The following CTNNA3 variants were observed in gnomAD, a reference collection of about 807,000 sequenced individuals.
CTNNA3 encodes the protein catenin alpha-3.
In CTNNA3, 76 loss-of-function variants were observed where a neutral mutation model predicts 95.7. That is an observed-to-expected ratio of 0.79 (90% CI 0.66 to 0.96). The LOEUF is 0.96. Among genes scored for constraint, CTNNA3 ranks in the 40% least tolerant of loss-of-function variants. CTNNA3 has a pLI of 0.00. For missense variants in CTNNA3, 1,191 were observed against 1,089.8 expected (o/e 1.09, Z -1.31); for synonymous variants, 431 against 374.4 (o/e 1.15, Z -1.74).
intron 5 of CTNNA3, among the ~76,000 whole-genome samples, chr10:67,509,295 A>G (rs918557863): frequency 6.6e-6 from 1 of 151,218 alleles, no homozygotes; most frequent in Non-Finnish European, 1.5e-5. Flanking sequence ...GCACCCATCA[A>G]CTCGTTATTT....
At chr10:66,792,293 T>G (rs1167843319) in intron 7 of CTNNA3, among the ~76,000 whole-genome samples, 1 of 152,222 alleles carries the variant, frequency 6.6e-6, no homozygotes, top group Non-Finnish European at 1.5e-5. Flanking sequence ...TTCCTCGTAT[T>G]TCATTATTTT....
chr10:67,514,184 C>G (rs1839734607), intron 5 of CTNNA3, among the ~76,000 whole-genome samples: 1 of 152,080 alleles, frequency 6.6e-6, no homozygotes, highest in African/African-American at 2.4e-5. Context: ...CCTGTAATTC[C>G]AGCTACCTGG....
intron 3 of CTNNA3, among the ~76,000 whole-genome samples, chr10:67,558,945 G>C (rs967929093): frequency 6.6e-6 from 1 of 152,162 alleles, no homozygotes; most frequent in Non-Finnish European, 1.5e-5. Context: ...AGGGGTGCCC[G>C]CCATTGCCCA....
intron 5 of CTNNA3, among the ~76,000 whole-genome samples, chr10:67,486,078 T>C (rs1202040397): frequency 6.6e-6 from 1 of 152,198 alleles, no homozygotes; most frequent in Non-Finnish European, 1.5e-5. Context: ...GACATAGATG[T>C]TACAACTTAA....
At chr10:66,640,821 A>G (rs1239881512) in intron 9 of CTNNA3, among the ~76,000 whole-genome samples, 1 of 152,110 alleles carries the variant, frequency 6.6e-6, no homozygotes, top group Non-Finnish European at 1.5e-5. Context: ...ACTGGGATGC[A>G]GACAAAATAC....
At chr10:66,767,066 A>G (rs912623875) in intron 8 of CTNNA3, among the ~76,000 whole-genome samples, 3 of 152,180 alleles carry the variant, frequency 2.0e-5, no homozygotes, top group Non-Finnish European at 4.4e-5. Flanking sequence ...CAATTAGGCA[A>G]TTACTCTAGT....
At chr10:66,892,501 G>GT (rs772937737) in intron 7 of CTNNA3, among the ~76,000 whole-genome samples, 8 of 151,578 alleles carry the variant, frequency 5.3e-5, no homozygotes, top group Non-Finnish European at 1.0e-4. Context: ...TGCATTTATA[G>GT]TAAGTCTGGA....
At chr10:66,799,882 C>A (rs914863764) in intron 7 of CTNNA3, among the ~76,000 whole-genome samples, 1 of 151,020 alleles carries the variant, frequency 6.6e-6, no homozygotes, top group Non-Finnish European at 1.5e-5. Flanking sequence ...AAGACAATTA[C>A]CTTTATGGAA....
intron 7 of CTNNA3, among the ~76,000 whole-genome samples, chr10:67,029,275 T>A (rs1853577611): frequency 6.6e-6 from 1 of 152,232 alleles, no homozygotes; most frequent in South Asian, 2.1e-4. Flanking sequence ...ATAAGAAGTT[T>A]CAACTAAACA....
chr10:67,622,994 C>T (rs921282350), intron 2 of CTNNA3, among the ~76,000 whole-genome samples: 1 of 152,130 alleles, frequency 6.6e-6, no homozygotes, highest in African/African-American at 2.4e-5. Flanking sequence ...AGTCAAAACT[C>T]CAATATTTGC....
intron 10 of CTNNA3, among the ~76,000 whole-genome samples, chr10:66,557,591 G>A (rs1842428905): frequency 6.6e-6 from 1 of 152,026 alleles, no homozygotes; most frequent in African/African-American, 2.4e-5. Flanking sequence ...TAGGATTTTT[G>A]TTTCTCTCAA....
intron 7 of CTNNA3, among the ~76,000 whole-genome samples, chr10:66,992,894 A>G (rs545318874): frequency 6.6e-6 from 1 of 152,148 alleles, no homozygotes; most frequent in Admixed American, 6.6e-5. Flanking sequence ...ATCCTCTTCA[A>G]TTTGACCATT....
intron 10 of CTNNA3, among the ~76,000 whole-genome samples, chr10:66,530,092 A>C (rs1841414599): frequency 6.6e-6 from 1 of 152,178 alleles, no homozygotes; most frequent in South Asian, 2.1e-4. Context: ...ACGTAATTTA[A>C]TTTTTCCCAG....
intron 7 of CTNNA3, among the ~76,000 whole-genome samples, chr10:67,020,837 G>C (rs1460163145): frequency 6.6e-6 from 1 of 152,168 alleles, no homozygotes; most frequent in Non-Finnish European, 1.5e-5. Context: ...GAACAGAGGG[G>C]CTTCAGATGA....
intron 7 of CTNNA3, among the ~76,000 whole-genome samples, chr10:66,867,991 CA>C (rs1409016628): frequency 6.9e-6 from 1 of 145,454 alleles, no homozygotes; most frequent in Non-Finnish European, 1.5e-5. Flanking sequence ...CATGTACTTT[CA>C]TTAAGGAGTG....
chr10:66,052,524 C>T (rs1903885), intron 15 of CTNNA3, among the ~76,000 whole-genome samples: 1 of 152,086 alleles, frequency 6.6e-6, no homozygotes, highest in Admixed American at 6.5e-5. Context: ...GCATGTTGTA[C>T]GTTGTTTAAA....
intron 14 of CTNNA3, among the ~76,000 whole-genome samples, chr10:66,077,692 A>T (rs2080596897): frequency 7.0e-6 from 1 of 142,766 alleles, no homozygotes; most frequent in African/African-American, 2.7e-5. Flanking sequence ...AAAGGTGGTG[A>T]TCTGTATGGA....
At chr10:67,555,944 T>C (rs755473940) in intron 3 of CTNNA3, among the ~76,000 whole-genome samples, 1 of 152,204 alleles carries the variant, frequency 6.6e-6, no homozygotes, top group South Asian at 2.1e-4. Context: ...ACCTAATTTA[T>C]TGAGAGTTTT....
chr10:66,356,368 G>C (rs1001198478), intron 12 of CTNNA3, among the ~76,000 whole-genome samples: 4 of 151,546 alleles, frequency 2.6e-5, no homozygotes, highest in African/African-American at 9.7e-5. Flanking sequence ...TAATTTCTTT[G>C]ACTAGCGTTT....
Sources: gnomAD v4.1 joint callset for allele counts (sites outside exome capture counted in the v4.1 genomes callset) on GRCh38, gnomAD v4.1.1 for gene constraint, MANE v1.5 for transcripts, NCBI Gene and HGNC (gene_info 2026-07-23, HGNC 2026-07-21) for gene names.